ATRNL1: variants seen among roughly 807,000 people sequenced by gnomAD.
The protein encoded by ATRNL1 is attractin-like protein 1.
In ATRNL1, 95 loss-of-function variants were observed where a neutral mutation model predicts 182.7. The ratio of observed to expected loss-of-function variants is 0.52; its 90% CI spans 0.44 to 0.62. The LOEUF is 0.62. Ranked by LOEUF, ATRNL1 falls within the 20% of genes least tolerant of loss-of-function variation. The pLI is 0.00. For missense variants in ATRNL1, 1,471 were observed against 1,679.5 expected, an observed-to-expected ratio of 0.88 and a Z score of 2.17; for synonymous variants, 576 against 568.3, an observed-to-expected ratio of 1.01 and a Z score of -0.19.
chr10:115,613,696 G>A (rs1857282512), intron 26 of ATRNL1, among the ~76,000 whole-genome samples: 1 of 152,076 alleles, frequency 6.6e-6, no homozygotes, highest in Admixed American at 6.6e-5. Context: ...GTTCAATCCA[G>A]TTACTGATTT....
At chr10:115,570,210 C>T (rs202076925) in intron 26 of ATRNL1, among the ~76,000 whole-genome samples, 1 of 152,138 alleles carries the variant, frequency 6.6e-6, no homozygotes, top group East Asian at 1.9e-4. Context: ...GCTCCACCAG[C>T]CGTGGCTTCC....
At chr10:115,435,556 A>G (rs2134427718) in intron 21 of ATRNL1, among the ~76,000 whole-genome samples, 1 of 152,316 alleles carries the variant, frequency 6.6e-6, no homozygotes, top group South Asian at 2.1e-4. Context: ...TTATAGCAGC[A>G]CAAAACAGGC....
chr10:115,534,735 C>T (rs552347371), intron 25 of ATRNL1, among the ~76,000 whole-genome samples: 216 of 151,510 alleles, frequency 1.4e-3, no homozygotes, highest in Non-Finnish European at 2.4e-3. Flanking sequence ...GATTTTGTAG[C>T]AGCTGGTACC....
intron 13 of ATRNL1, among the ~76,000 whole-genome samples, chr10:115,279,701 A>T (rs1554916166): frequency 1.3e-5 from 2 of 152,194 alleles, no homozygotes; most frequent in Admixed American, 6.5e-5. Flanking sequence ...CTGTTTAGGG[A>T]TACTTAGACT....
chr10:115,936,085 G>A (rs1953547868), intron 28 of ATRNL1, among the ~76,000 whole-genome samples: 1 of 152,140 alleles, frequency 6.6e-6, no homozygotes, highest in African/African-American at 2.4e-5. Context: ...TTCAACCCAT[G>A]GTAGACATAC....
At chr10:115,359,855 A>G (rs1856657122) in intron 19 of ATRNL1, among the ~76,000 whole-genome samples, 2 of 151,550 alleles carry the variant, frequency 1.3e-5, no homozygotes, top group South Asian at 4.1e-4. Context: ...GTATTATTCT[A>G]TACAATAAGT....
intron 27 of ATRNL1, among the ~76,000 whole-genome samples, chr10:115,818,359 G>A (rs1288803517): frequency 6.6e-6 from 1 of 151,918 alleles, no homozygotes; most frequent in Non-Finnish European, 1.5e-5. Flanking sequence ...CTACTTTCAG[G>A]TTAACCAACA....
intron 26 of ATRNL1, among the ~76,000 whole-genome samples, chr10:115,629,164 A>T (rs918437811): frequency 6.6e-6 from 1 of 152,236 alleles, no homozygotes; most frequent in Non-Finnish European, 1.5e-5. Context: ...AAATTAAGAT[A>T]TAATTATGTA....
chr10:115,108,359 G>T (rs1212091336), intron 1 of ATRNL1, among the ~76,000 whole-genome samples: 1 of 152,166 alleles, frequency 6.6e-6, no homozygotes, highest in Non-Finnish European at 1.5e-5. Context: ...CACACAAGGG[G>T]TTTAGGAGTA....
intron 25 of ATRNL1, among the ~76,000 whole-genome samples, chr10:115,539,919 C>T (rs73373356): frequency 0.029 from 4,047 of 140,954 alleles, 211 homozygotes; most frequent in African/African-American, 0.1. Flanking sequence ...AAGTAGAGCC[C>T]ACAAATCCAG....
At chr10:115,800,857 C>T (rs925289148) in intron 27 of ATRNL1, among the ~76,000 whole-genome samples, 1 of 152,020 alleles carries the variant, frequency 6.6e-6, no homozygotes, top group Non-Finnish European at 1.5e-5. Flanking sequence ...TAGGACTTCC[C>T]AGCCTCCGGA....
intron 27 of ATRNL1, among the ~76,000 whole-genome samples, chr10:115,770,924 T>C (rs1948973357): frequency 6.6e-6 from 1 of 152,192 alleles, no homozygotes; most frequent in Non-Finnish European, 1.5e-5. Flanking sequence ...TTTTAAAATA[T>C]GTGGCTTCCC....
intron 6 of ATRNL1, among the ~76,000 whole-genome samples, chr10:115,163,224 A>T (rs782794184): frequency 3.9e-5 from 6 of 151,992 alleles, no homozygotes; most frequent in Non-Finnish European, 7.4e-5. Flanking sequence ...TCTTCGGCTT[A>T]TCAAACTGCA....
chr10:115,168,541 G>T (rs952034042), intron 7 of ATRNL1, among the ~76,000 whole-genome samples: 20 of 152,106 alleles, frequency 1.3e-4, no homozygotes, highest in African/African-American at 4.8e-4. Context: ...TTGTGGTTTT[G>T]ATTTGTATTT....
At chr10:115,658,608 C>A (rs149914401) in intron 26 of ATRNL1, among the ~76,000 whole-genome samples, 298 of 152,148 alleles carry the variant, frequency 2.0e-3, no homozygotes, top group African/African-American at 6.8e-3. Context: ...GGTATAGTAT[C>A]CTCCCTATCT....
intron 28 of ATRNL1, among the ~76,000 whole-genome samples, chr10:115,903,908 G>A (rs925599640): frequency 1.1e-4 from 17 of 152,032 alleles, no homozygotes; most frequent in Non-Finnish European, 8.8e-5. Flanking sequence ...TTTTTAGTGC[G>A]TTAGTTCAGG....
intron 26 of ATRNL1, among the ~76,000 whole-genome samples, chr10:115,676,934 G>C (rs1009557358): frequency 6.6e-6 from 1 of 152,028 alleles, no homozygotes; most frequent in Non-Finnish European, 1.5e-5. Context: ...CAATGTCTCA[G>C]TTAAAGAAAG....
intron 10 of ATRNL1, among the ~76,000 whole-genome samples, chr10:115,256,997 G>GT (rs1227621798): frequency 1.2e-4 from 18 of 152,126 alleles, no homozygotes; most frequent in African/African-American, 4.1e-4. Flanking sequence ...CTGAGAGACA[G>GT]TTTTTTTGTG....
At chr10:115,870,805 G>A (rs1951560897) in intron 28 of ATRNL1, among the ~76,000 whole-genome samples, 1 of 152,202 alleles carries the variant, frequency 6.6e-6, no homozygotes, top group South Asian at 2.1e-4. Flanking sequence ...TCTTAGGCAA[G>A]TTACTTAATC....
Sources: allele counts gnomAD v4.1 joint callset (sites outside exome capture counted in the v4.1 genomes callset), GRCh38; gene constraint gnomAD v4.1.1; transcripts MANE v1.5; gene names NCBI Gene and HGNC (gene_info 2026-07-23, HGNC 2026-07-21).